Variants in HLCS observed in about 807,000 individuals in gnomAD.
HLCS encodes the protein biotin--protein ligase.
Under a neutral mutation model 75.0 loss-of-function variants are expected in HLCS, and 53 were observed. That is an observed-to-expected ratio of 0.71 (90% CI 0.57 to 0.89). The LOEUF is 0.89. Among genes scored for constraint, HLCS ranks in the 40% least tolerant of loss-of-function variants. The pLI is 0.00. For missense variants in HLCS, 966 were observed against 1,074.0 expected, an observed-to-expected ratio of 0.90 and a Z score of 1.41; for synonymous variants, 431 against 428.6, an observed-to-expected ratio of 1.01 and a Z score of -0.07.
chr21:36,926,670 T>C (rs1303773146), intron 5 of HLCS, among the ~76,000 whole-genome samples: 2 of 151,898 alleles, frequency 1.3e-5, no homozygotes, highest in Non-Finnish European at 2.9e-5. Context: ...TAAAAGATTA[T>C]TAAAATCACC....
intron 6 of HLCS, among the ~76,000 whole-genome samples, chr21:36,878,720 C>T (rs1269266141): frequency 2.0e-5 from 3 of 152,102 alleles, no homozygotes; most frequent in African/African-American, 7.2e-5. Flanking sequence ...AGAGAATTGT[C>T]AAGAGTTAGA....
chr21:36,944,375 A>G lies in HLCS; in HGVS notation c.331-5381T>C, dbSNP rs573129554. On this transcript the variant is annotated intron_variant, in intron 2 of 10. Coordinates refer to ENST00000674895, the MANE Select transcript of HLCS (RefSeq NM_001352514.2). Reference sequence around the variant, plus strand: ...GTGGCCCAAGTAGAAAGAATTGAATAGAAAGAGGCGCAAGACAAATGCATT... The same window carrying G: ...GTGGCCCAAGTAGAAAGAATTGAATGGAAAGAGGCGCAAGACAAATGCATT... Among the ~76,000 whole-genome samples, 13 of 152,330 alleles carry G rather than the reference A, an allele frequency of 8.5e-5. No individual in the cohort carries two copies. In the East Asian group the frequency reaches 2.5e-3, roughly 29 times the overall value.
chr21:36,954,421 T>C (rs2067822810), intron 2 of HLCS, among the ~76,000 whole-genome samples: 1 of 151,948 alleles, frequency 6.6e-6, no homozygotes, highest in East Asian at 1.9e-4. Flanking sequence ...GAGACCATCC[T>C]GGCTAACATG....
intron 6 of HLCS, among the ~76,000 whole-genome samples, chr21:36,848,631 T>TTCC (rs2062880166): frequency 6.6e-6 from 1 of 152,226 alleles, no homozygotes; most frequent in Non-Finnish European, 1.5e-5. Context: ...CCAACTATTT[T>TTCC]TCCTCCATTA....
intron 6 of HLCS, among the ~76,000 whole-genome samples, chr21:36,849,460 G>A (rs1431415633): frequency 6.6e-6 from 1 of 152,216 alleles, no homozygotes; most frequent in Non-Finnish European, 1.5e-5. Flanking sequence ...CTGGGACCCT[G>A]GTACCTCCTT....
At chr21:36,927,490 G>A (rs2066459513) in intron 5 of HLCS, among the ~76,000 whole-genome samples, 2 of 152,230 alleles carry the variant, frequency 1.3e-5, no homozygotes, top group South Asian at 4.1e-4. Flanking sequence ...AAGAGCAAGT[G>A]TCAAGGCACC....
At chr21:36,930,213 G>A (rs199602350) in intron 5 of HLCS, 38 bp downstream of exon 5, 8 of 1,586,914 alleles carry the variant, frequency 5.0e-6, no homozygotes, top group East Asian at 4.5e-5. Context: ...AGAGGGCCAC[G>A]TCACAGCGCG....
intron 6 of HLCS, among the ~76,000 whole-genome samples, chr21:36,813,658 C>T (rs1450913803): frequency 6.6e-6 from 1 of 152,094 alleles, no homozygotes; most frequent in African/African-American, 2.4e-5. Context: ...AATATGTATG[C>T]ACAACTTATT....
At chr21:36,786,658 T>G (rs2060695136) in intron 6 of HLCS, among the ~76,000 whole-genome samples, 2 of 152,222 alleles carry the variant, frequency 1.3e-5, no homozygotes, top group African/African-American at 4.8e-5. Context: ...TTTGTTTCGG[T>G]TTTTCCTAAA....
intron 2 of HLCS, among the ~76,000 whole-genome samples, chr21:36,957,735 C>G (rs1233026360): frequency 6.8e-6 from 1 of 146,916 alleles, no homozygotes; most frequent in African/African-American, 2.5e-5. Context: ...GGAAATCATC[C>G]CGACTAACAT....
At chr21:36,959,067 T>C (rs1871656544) in intron 2 of HLCS, among the ~76,000 whole-genome samples, 1 of 152,172 alleles carries the variant, frequency 6.6e-6, no homozygotes, top group Non-Finnish European at 1.5e-5. Flanking sequence ...AGGAGCCCAG[T>C]GCTCCCAGGC....
At chr21:36,908,199 A>C (rs1267427173) in intron 5 of HLCS, among the ~76,000 whole-genome samples, 2 of 152,144 alleles carry the variant, frequency 1.3e-5, no homozygotes, top group African/African-American at 4.8e-5. Context: ...AGCCTAAGCA[A>C]CACAGTGACA....
intron 6 of HLCS, among the ~76,000 whole-genome samples, chr21:36,869,452 A>G (rs1024141842): frequency 1.3e-5 from 2 of 152,128 alleles, no homozygotes; most frequent in Non-Finnish European, 2.9e-5. Context: ...TTAATTTTAG[A>G]TGAGTTTCTT....
At chr21:36,917,908 C>G (rs887195353) in intron 5 of HLCS, among the ~76,000 whole-genome samples, 1 of 149,784 alleles carries the variant, frequency 6.7e-6, no homozygotes, top group African/African-American at 2.5e-5. Context: ...TGACTTTGGA[C>G]CACGTAAATC....
chr21:36,960,612 A>G (rs1365724038), intron 2 of HLCS, among the ~76,000 whole-genome samples: 1 of 152,162 alleles, frequency 6.6e-6, no homozygotes, highest in African/African-American at 2.4e-5. Flanking sequence ...ATTCCAGTCA[A>G]TTACTTCTTG....
At chr21:36,782,017 T>C (rs1234688853) in intron 6 of HLCS, among the ~76,000 whole-genome samples, 4 of 152,024 alleles carry the variant, frequency 2.6e-5, no homozygotes, top group Non-Finnish European at 5.9e-5. Context: ...TAAACCAATC[T>C]TGCATTCCTA....
intron 6 of HLCS, among the ~76,000 whole-genome samples, chr21:36,853,877 T>C (rs768505421): frequency 2.6e-5 from 4 of 152,210 alleles, no homozygotes; most frequent in Non-Finnish European, 5.9e-5. Context: ...TTTTAAAAAT[T>C]AATTCCATCC....
At chr21:36,921,753 T>A (rs1464485711) in intron 5 of HLCS, among the ~76,000 whole-genome samples, 2 of 152,152 alleles carry the variant, frequency 1.3e-5, no homozygotes, top group East Asian at 3.9e-4. Flanking sequence ...CCCTGTCCCC[T>A]GCACTCAGAC....
chr21:36,945,697 C>A lies in HLCS; in HGVS notation c.331-6703G>T, dbSNP rs116801859. 6.8e-3 allele frequency among the ~76,000 whole-genome samples: 1,040 copies of A among 152,296 alleles called. 12 individuals carry two copies. The highest frequency in any genetic ancestry group is 0.023 in the African/African-American group (969 of 41,558). The stretch of plus-strand genomic sequence containing the variant: ...GTGAATGCTGACAAGTGTGTGGTTT[C>A]TTTCTGGTGTGCTGAAAATGTTTTA... On this transcript the variant is annotated intron_variant, in intron 2 of 10. Transcript: ENST00000674895.
Sources: allele counts gnomAD v4.1 joint callset (sites outside exome capture counted in the v4.1 genomes callset), GRCh38; gene constraint gnomAD v4.1.1; transcripts MANE v1.5; gene names NCBI Gene and HGNC (gene_info 2026-07-23, HGNC 2026-07-21).